Variants in DENND1B observed in about 807,000 individuals in gnomAD.
DENND1B encodes DENN domain-containing protein 1B.
DENND1B carries 59 observed loss-of-function variants against 90.1 expected under a neutral mutation model. The observed-to-expected ratio is 0.65, with a 90% CI of 0.53 to 0.81. DENND1B has a LOEUF of 0.81. Among genes scored for constraint, DENND1B ranks in the 40% least tolerant of loss-of-function variants. The pLI, the probability that DENND1B is intolerant of heterozygous loss-of-function variation, is 0.00. For synonymous variants in DENND1B, 337 were observed against 324.6 expected (o/e 1.04, Z -0.41); for missense variants, 862 against 912.6 (o/e 0.94, Z 0.71).
chr1:197,597,310 C>A (rs1282335647), intron 13 of DENND1B, among the ~76,000 whole-genome samples: 2 of 151,452 alleles, frequency 1.3e-5, no homozygotes, highest in Non-Finnish European at 3.0e-5. Flanking sequence ...TATCAATATA[C>A]GTATTTAATT....
intron 2 of DENND1B, among the ~76,000 whole-genome samples, chr1:197,769,278 G>A (rs1303115217): frequency 2.0e-5 from 3 of 152,026 alleles, no homozygotes; most frequent in Non-Finnish European, 4.4e-5. Context: ...CAATAGTCTT[G>A]CCACCAACCC....
intron 10 of DENND1B, among the ~76,000 whole-genome samples, chr1:197,619,195 T>A (rs1284050240): frequency 6.6e-6 from 1 of 151,262 alleles, no homozygotes; most frequent in African/African-American, 2.4e-5. Context: ...ACTTTTTAAA[T>A]TCCTTAATTA....
At chr1:197,561,413 TCCTA>T (rs764387830) in intron 15 of DENND1B, among the ~76,000 whole-genome samples, 7 of 151,914 alleles carry the variant, frequency 4.6e-5, no homozygotes, top group Non-Finnish European at 1.0e-4. Flanking sequence ...CTGGTTTCTG[TCCTA>T]CCTAATTGTT....
Position 197,657,160 on chromosome 1 carries a change from C to T in DENND1B, c.366+1140G>A, listed in dbSNP as rs188255919. ...ACCATAGATTGGGATAGAATACTCG[C>T]AAATCATCTATCTAATAAGAAATGA... On this transcript the variant is annotated intron_variant, in intron 6 of 22. Coordinates refer to ENST00000620048, the MANE Select transcript of DENND1B (RefSeq NM_001195215.2). 9.0e-4 allele frequency among the ~76,000 whole-genome samples: 137 copies of T among 152,220 alleles called. 1 individual carries two copies. Among genetic ancestry groups the T allele is most frequent in the Non-Finnish European group, 6.6e-4 (45 of 68,006 alleles).
intron 13 of DENND1B, 68 bp from the exon 14 acceptor site, chr1:197,595,401 C>A (rs777318837): frequency 1.5e-4 from 243 of 1,573,844 alleles, no homozygotes; most frequent in Non-Finnish European, 1.9e-4. Context: ...GGAACCCAAT[C>A]AGCAGGCAAA....
chr1:197,762,454 T>C (rs1655197371), intron 2 of DENND1B, among the ~76,000 whole-genome samples: 1 of 152,174 alleles, frequency 6.6e-6, no homozygotes, highest in Non-Finnish European at 1.5e-5. Context: ...CTGTGTTTAT[T>C]TGAGGTGCTC....
intron 3 of DENND1B, among the ~76,000 whole-genome samples, chr1:197,693,826 T>C (rs966657283): frequency 6.6e-6 from 1 of 151,448 alleles, no homozygotes; most frequent in African/African-American, 2.4e-5. Context: ...CTCCCCAGGG[T>C]AGAATAACCC....
rs1443206172 is a variant in DENND1B at position 197,743,271 on chromosome 1, C to G, written c.83-28197G>C. Among the ~76,000 whole-genome samples, 4 of 152,292 alleles carry G rather than the reference C, an allele frequency of 2.6e-5. No individual in the cohort carries two copies. In the East Asian group the frequency reaches 7.7e-4, roughly 29 times the overall value. On this transcript the variant is annotated intron_variant, in intron 2 of 22. Transcript: ENST00000620048. ...TATTGCAGGTTCAGTTCCAGATCAA[C>G]TCAATAAAATGAGTATCACAATAAA...
At chr1:197,716,812 T>A (rs1660688226) in intron 2 of DENND1B, among the ~76,000 whole-genome samples, 1 of 151,998 alleles carries the variant, frequency 6.6e-6, no homozygotes, top group Admixed American at 6.6e-5. Flanking sequence ...TTTGAGAAGA[T>A]GTTTGTGACA....
chr1:197,713,805 A>AATATATTAT (rs1438894787), intron 3 of DENND1B, among the ~76,000 whole-genome samples: 1 of 53,778 alleles, frequency 1.9e-5, no homozygotes, highest in Non-Finnish European at 3.3e-5. Flanking sequence ...ATTATATTAT[A>AATATATTAT]ATATATTATA....
At chr1:197,555,918 G>A (rs948246588) in intron 15 of DENND1B, among the ~76,000 whole-genome samples, 13 of 151,880 alleles carry the variant, frequency 8.6e-5, no homozygotes, top group African/African-American at 1.9e-4. Flanking sequence ...TGTTTATCCC[G>A]GCACTATTGA....
At chr1:197,718,433 A>G (rs986184288) in intron 2 of DENND1B, among the ~76,000 whole-genome samples, 1 of 151,714 alleles carries the variant, frequency 6.6e-6, no homozygotes, top group Non-Finnish European at 1.5e-5. Flanking sequence ...TGAAATGAGC[A>G]AAAATCATTA....
intron 20 of DENND1B, among the ~76,000 whole-genome samples, chr1:197,529,262 G>GTATATA (rs1669422497): frequency 5.5e-5 from 5 of 90,910 alleles, no homozygotes; most frequent in Admixed American, 3.1e-4. Context: ...GTGTGTGTGT[G>GTATATA]TGTGTGTATA....
At position 197,510,637 on chromosome 1, in the gene DENND1B, G is replaced by A. The variant is rs779523726; in HGVS notation, c.2151C>T (p.Pro717=). 36 of 1,612,584 alleles carry A rather than the reference G, an allele frequency of 2.2e-5. No individual in the cohort carries two copies. The highest frequency in any genetic ancestry group is 4.5e-5 in the East Asian group (2 of 44,838). Residue 717 remains proline (P), a synonymous_variant, in exon 23 of 23, where the codon CCC becomes CCT. Coordinates refer to ENST00000620048, the MANE Select transcript of DENND1B (RefSeq NM_001195215.2). ...AAGTCGATGAATGCCGCCCAAGACC[G>A]GGTATAAGCAGATCATCTGAAATCT... The part of the protein sequence containing the change: ...LSQISDDLLI[P]GLGRHSSTFV...
chr1:197,540,128 G>C (rs904193535), intron 19 of DENND1B, 57 bp from the exon 20 acceptor site: 1 of 1,190,088 alleles, frequency 8.4e-7, no homozygotes, highest in Non-Finnish European at 1.2e-6. Flanking sequence ...TATTACTAAC[G>C]TATTAGATTA....
chr1:197,655,554 C>T (rs1057168014), intron 6 of DENND1B, among the ~76,000 whole-genome samples: 6 of 147,474 alleles, frequency 4.1e-5, no homozygotes, highest in African/African-American at 1.3e-4. Context: ...TTTTTTGAGA[C>T]GGAGTCTCGC....
intron 6 of DENND1B, among the ~76,000 whole-genome samples, chr1:197,656,994 A>T (rs1165001506): frequency 1.3e-5 from 2 of 152,168 alleles, no homozygotes; most frequent in African/African-American, 2.4e-5. Context: ...GCTTTGAAAG[A>T]CTGGATTTGG....
rs1270287183 is a variant in DENND1B, at chr1:197,775,176, C to T, written c.-21G>A. 4.6e-5 allele frequency: 59 copies of T among 1,282,300 alleles called. No individual in the cohort carries two copies. The highest frequency in any genetic ancestry group is 5.7e-5 in the Non-Finnish European group (57 of 1,008,692). The allele number at this position is 1,282,300 out of a possible 1,614,324, so 79.4% of individuals were successfully genotyped here. A position where few individuals can be genotyped will look rare whatever the true frequency, so the allele number is the denominator to read the frequency against. ...TCCATGGTTACATGTCGGTGTGGGGCTGTCCGTCCGGCCCCCGCGCGCTGG... is the reference window on the plus strand; with the variant it reads ...TCCATGGTTACATGTCGGTGTGGGGTTGTCCGTCCGGCCCCCGCGCGCTGG... On this transcript the variant is annotated 5_prime_UTR_variant, in exon 1 of 23. Transcript: ENST00000620048.
At chr1:197,535,353 C>A (rs1397384570) in intron 20 of DENND1B, among the ~76,000 whole-genome samples, 8 of 152,114 alleles carry the variant, frequency 5.3e-5, no homozygotes, top group Admixed American at 1.3e-4. Context: ...TTCTAAGACC[C>A]CCACTGGGTG....
Sources: gnomAD v4.1 joint callset for allele counts (sites outside exome capture counted in the v4.1 genomes callset) on GRCh38, gnomAD v4.1.1 for gene constraint, MANE v1.5 for transcripts, NCBI Gene and HGNC (gene_info 2026-07-23, HGNC 2026-07-21) for gene names.